Variants in DTNBP1 observed in about 807,000 individuals in gnomAD.
The protein encoded by DTNBP1 is dystrobrevin binding protein 1.
DTNBP1 carries 35 observed loss-of-function variants against 42.8 expected under a neutral mutation model. The observed-to-expected ratio is 0.82, with a 90% CI of 0.63 to 1.09. The LOEUF (loss-of-function observed/expected upper bound fraction) is 1.09. Ranked by LOEUF, DTNBP1 falls within the 50% of genes least tolerant of loss-of-function variation. The pLI is 0.00. For missense variants in DTNBP1, 457 were observed against 424.2 expected, an observed-to-expected ratio of 1.08 and a Z score of -0.68; for synonymous variants, 171 against 162.2, an observed-to-expected ratio of 1.05 and a Z score of -0.41.
chr6:15,654,129 G>A (rs1308687045), intron 1 of DTNBP1, among the ~76,000 whole-genome samples: 1 of 152,058 alleles, frequency 6.6e-6, no homozygotes, highest in African/African-American at 2.4e-5. Flanking sequence ...CAATTCCTCT[G>A]CAATATTCAA....
At chr6:15,621,244 T>C (rs556274181) in intron 5 of DTNBP1, among the ~76,000 whole-genome samples, 11 of 152,376 alleles carry the variant, frequency 7.2e-5, no homozygotes, top group Non-Finnish European at 1.6e-4. Flanking sequence ...CCAACAATTA[T>C]TCTATGCTGG....
intron 6 of DTNBP1, among the ~76,000 whole-genome samples, chr6:15,594,950 G>T (rs1483732234): frequency 6.6e-6 from 1 of 152,130 alleles, no homozygotes; most frequent in East Asian, 1.9e-4. Flanking sequence ...AAGGAATCCA[G>T]CAACTACTAT....
chr6:15,601,129 A>G (rs898740656), intron 6 of DTNBP1, among the ~76,000 whole-genome samples: 3 of 152,216 alleles, frequency 2.0e-5, no homozygotes, highest in African/African-American at 7.2e-5. Flanking sequence ...TCAAGAGAGG[A>G]CAGTATCAAG....
intron 4 of DTNBP1, among the ~76,000 whole-genome samples, chr6:15,637,187 A>G (rs1450954106): frequency 6.6e-6 from 1 of 152,240 alleles, no homozygotes; most frequent in Non-Finnish European, 1.5e-5. Flanking sequence ...CATCAACAAC[A>G]TTGAGGAGAG....
intron 8 of DTNBP1, among the ~76,000 whole-genome samples, chr6:15,532,556 G>A (rs558288898): frequency 9.2e-5 from 14 of 152,226 alleles, no homozygotes; most frequent in African/African-American, 3.4e-4. Flanking sequence ...AATTAGATAA[G>A]CAGACTCGAC....
At chr6:15,525,777 G>A (rs562909475) in intron 8 of DTNBP1, among the ~76,000 whole-genome samples, 5 of 152,318 alleles carry the variant, frequency 3.3e-5, no homozygotes, top group South Asian at 2.1e-4. Flanking sequence ...TAAAAGGTAC[G>A]AAAGATGCAG....
chr6:15,653,035 C>T (rs994487014), intron 1 of DTNBP1, among the ~76,000 whole-genome samples: 1 of 152,176 alleles, frequency 6.6e-6, no homozygotes, highest in African/African-American at 2.4e-5. Flanking sequence ...AAGTAATGTT[C>T]CACATAGGAG....
intron 4 of DTNBP1, among the ~76,000 whole-genome samples, chr6:15,632,795 C>G (rs1759765485): frequency 6.6e-6 from 1 of 152,134 alleles, no homozygotes; most frequent in Non-Finnish European, 1.5e-5. Flanking sequence ...TCAAGTTAAC[C>G]TTTTAATTCT....
chr6:15,566,138 C>A (rs1441006763), intron 7 of DTNBP1, among the ~76,000 whole-genome samples: 1 of 151,760 alleles, frequency 6.6e-6, no homozygotes, highest in African/African-American at 2.4e-5. Context: ...AACGGTGAAA[C>A]CCCGTCTCTA....
chr6:15,629,854 A>G (rs2113746935), intron 4 of DTNBP1, among the ~76,000 whole-genome samples: 1 of 152,282 alleles, frequency 6.6e-6, no homozygotes, highest in East Asian at 1.9e-4. Context: ...TCAACCTACT[A>G]GGGATTGTGC....
intron 7 of DTNBP1, among the ~76,000 whole-genome samples, chr6:15,584,484 T>G (rs978946690): frequency 6.6e-5 from 10 of 152,082 alleles, no homozygotes; most frequent in African/African-American, 2.4e-4. Context: ...AGTTAGAATT[T>G]GATTCCATTA....
chr6:15,612,606 C>G lies in DTNBP1; in HGVS notation c.488+2661G>C, dbSNP rs887228146. Among the ~76,000 whole-genome samples, 5 of 152,288 alleles carry G rather than the reference C, an allele frequency of 3.3e-5. No individual in the cohort carries two copies. In the East Asian group the frequency reaches 9.6e-4, roughly 29 times the overall value. On this transcript the variant is annotated intron_variant, in intron 6 of 9. Coordinates refer to ENST00000344537, the MANE Select transcript of DTNBP1 (RefSeq NM_032122.5). The stretch of plus-strand genomic sequence containing the variant: ...ATACGAGTTAGTCAGAGCTGGCAGC[C>G]ACTGACAGAGCACTTAGCTGGTGCC...
In DTNBP1 at chr6:15,527,795, A is replaced by AACCAGGAACACAGCTAAGGGGGAG. The variant is rs1772510317; in HGVS notation, c.668-3150_668-3127dup. ...ATTTTAAACATGCAAAAGCAAGCCT[A>AACCAGGAACACAGCTAAGGGGGAG]ACCAGGAACACAGCTAAGGGGGAGA... On this transcript the variant is annotated intron_variant, in intron 8 of 9. Coordinates refer to ENST00000344537, the MANE Select transcript of DTNBP1 (RefSeq NM_032122.5). Among the ~76,000 whole-genome samples, 3 of 152,370 alleles carry AACCAGGAACACAGCTAAGGGGGAG rather than the reference A, an allele frequency of 2.0e-5. No individual in the cohort carries two copies. In the South Asian group the frequency reaches 6.2e-4, roughly 32 times the overall value.
chr6:15,651,959 A>T, intron 2 of DTNBP1, 128 bp downstream of exon 2: 1 of 774,378 alleles, frequency 1.3e-6, no homozygotes, highest in Non-Finnish European at 2.1e-6. Flanking sequence ...AAGAATCGAT[A>T]AATTATTTTG....
At chr6:15,632,432 C>T (rs1401621370) in intron 4 of DTNBP1, among the ~76,000 whole-genome samples, 1 of 152,104 alleles carries the variant, frequency 6.6e-6, no homozygotes, top group Non-Finnish European at 1.5e-5. Context: ...TTTTATTCAA[C>T]ATTATACTAG....
intron 6 of DTNBP1, among the ~76,000 whole-genome samples, chr6:15,597,330 G>A (rs922355864): frequency 2.6e-5 from 4 of 152,142 alleles, no homozygotes; most frequent in Admixed American, 1.3e-4. Context: ...CTGAGCTGAT[G>A]CATTTTCAAG....
At chr6:15,586,251 G>T (rs540704301) in intron 7 of DTNBP1, among the ~76,000 whole-genome samples, 7 of 152,038 alleles carry the variant, frequency 4.6e-5, no homozygotes, top group Non-Finnish European at 7.4e-5. Context: ...TTTTAATGTA[G>T]CATTAGCCTA....
chr6:15,569,156 C>T (rs1412572372), intron 7 of DTNBP1, among the ~76,000 whole-genome samples: 1 of 152,192 alleles, frequency 6.6e-6, no homozygotes, highest in African/African-American at 2.4e-5. Context: ...AGACACTGAC[C>T]ATCTGCCTCC....
chr6:15,613,359 T>TCTC (rs1304072084), intron 6 of DTNBP1, among the ~76,000 whole-genome samples: 1 of 60,318 alleles, frequency 1.7e-5, no homozygotes, highest in Admixed American at 2.5e-4. Flanking sequence ...CGGACCCCAT[T>TCTC]TTTTTTTTTT....
Sources: allele counts gnomAD v4.1 joint callset (sites outside exome capture counted in the v4.1 genomes callset), GRCh38; gene constraint gnomAD v4.1.1; transcripts MANE v1.5; gene names NCBI Gene and HGNC (gene_info 2026-07-23, HGNC 2026-07-21).